The following MPHOSPH6 variants were observed in gnomAD, a reference collection of about 807,000 sequenced individuals.
MPHOSPH6 encodes M-phase phosphoprotein 6.
Under a neutral mutation model 21.8 loss-of-function variants are expected in MPHOSPH6, and 25 were observed. The observed-to-expected ratio is 1.15, with a 90% CI of 0.83 to 1.60. The LOEUF is 1.60. MPHOSPH6 is among the 40% of genes most tolerant of loss of function. The pLI is 0.00. For synonymous variants in MPHOSPH6, 84 were observed against 56.5 expected (o/e 1.49, Z -2.18); for missense variants, 269 against 181.8 (o/e 1.48, Z -2.76).
intron 3 of MPHOSPH6, among the ~76,000 whole-genome samples, chr16:82,150,335 T>G (rs927957395): frequency 4.6e-5 from 7 of 152,062 alleles, no homozygotes; most frequent in Non-Finnish European, 8.8e-5. Flanking sequence ...TCTTCCCTCT[T>G]CACCCCACTG....
chr16:82,161,164 C>T (rs950004108), intron 2 of MPHOSPH6, among the ~76,000 whole-genome samples: 8 of 152,222 alleles, frequency 5.3e-5, no homozygotes, highest in African/African-American at 1.9e-4. Flanking sequence ...CCTGTGTCAC[C>T]TAAAACTTTT....
chr16:82,168,444 T>A (rs1337380201), intron 1 of MPHOSPH6, among the ~76,000 whole-genome samples: 1 of 151,222 alleles, frequency 6.6e-6, no homozygotes, highest in African/African-American at 2.4e-5. Flanking sequence ...TCCATTCAAA[T>A]CTTGCCCATA....
At chr16:82,151,874 A>C (rs1906275529) in intron 2 of MPHOSPH6, among the ~76,000 whole-genome samples, 1 of 152,236 alleles carries the variant, frequency 6.6e-6, no homozygotes, top group South Asian at 2.1e-4. Context: ...ATTCTTTTTC[A>C]GAAAGGAAAT....
chr16:82,154,527 T>C (rs11643724), intron 2 of MPHOSPH6, among the ~76,000 whole-genome samples: 21,458 of 152,082 alleles, frequency 0.14, 2,237 homozygotes, highest in East Asian at 0.34. Context: ...GACTTTAGAA[T>C]AGTTACTGTA....
In MPHOSPH6 at chr16:82,155,022, T is replaced by A. The variant is rs551273919; in HGVS notation, c.165-3508A>T. Among the ~76,000 whole-genome samples the A allele has an allele frequency of 2.0e-5, 3 of 152,318 alleles. No individual in the cohort carries two copies. In the South Asian group the frequency reaches 6.2e-4, roughly 32 times the overall value. ...TTAAATGTTACATATGAAGACCAAG[T>A]AGAGTGTATGTCAGAAATACAAGGC... On this transcript the variant is annotated intron_variant, in intron 2 of 4. Transcript: ENST00000258169.
chr16:82,149,340 G>A lies in MPHOSPH6; in HGVS notation c.319C>T (p.Leu107Phe), dbSNP rs751325310. 3 of 1,613,206 alleles carry A rather than the reference G, an allele frequency of 1.9e-6. No individual in the cohort carries two copies. Among genetic ancestry groups the A allele is most frequent in the African/African-American group, 2.7e-5 (2 of 74,950 alleles). The change falls in exon 4 of 5, where the codon CTT becomes TTT. Residue 107 changes from leucine to phenylalanine, a missense_variant. Physicochemically the swap from Leu to Phe is conservative, Grantham distance 22. Coordinates refer to ENST00000258169, the MANE Select transcript of MPHOSPH6 (RefSeq NM_005792.2). ...AEEVEDETVE[L>F]DVSDEEMARR... Reference sequence around the variant, plus strand: ...GCCATCTCTTCATCTGACACATCAAGCTCTACTGTTTCATCTTCAACTTCT... The same window carrying A: ...GCCATCTCTTCATCTGACACATCAAACTCTACTGTTTCATCTTCAACTTCT...
chr16:82,170,106 G>A lies in MPHOSPH6; in HGVS notation c.51+19C>T. ...GGGTGCCCCTACCGCCCGGAGTGGCGCTCTCAGCGTCCCCGCACCTTCATG... is the reference window on the plus strand; with the variant it reads ...GGGTGCCCCTACCGCCCGGAGTGGCACTCTCAGCGTCCCCGCACCTTCATG... On this transcript the variant is annotated intron_variant, in intron 1 of 4. Transcript: ENST00000258169. 2 of 1,584,290 alleles carry A rather than the reference G, an allele frequency of 1.3e-6. No homozygotes were observed. Among genetic ancestry groups the A allele is most frequent in the Non-Finnish European group, 1.7e-6 (2 of 1,165,244 alleles).
At chr16:82,152,606 G>A (rs1277965047) in intron 2 of MPHOSPH6, among the ~76,000 whole-genome samples, 2 of 152,174 alleles carry the variant, frequency 1.3e-5, no homozygotes, top group Admixed American at 6.5e-5. Context: ...CGGTCGCTAG[G>A]TGGTTGCACC....
intron 2 of MPHOSPH6, among the ~76,000 whole-genome samples, chr16:82,163,317 G>A (rs1240063655): frequency 6.6e-6 from 1 of 152,140 alleles, no homozygotes; most frequent in Non-Finnish European, 1.5e-5. Context: ...AAAGTATCAG[G>A]GAAAAATGAA....
In MPHOSPH6 at chr16:82,170,210, A is replaced by C. The variant is rs1249986008; in HGVS notation, c.-35T>G. 1.3e-6 allele frequency: 2 copies of C among 1,566,808 alleles called. No homozygotes were observed. Among genetic ancestry groups the C allele is most frequent in the Admixed American group, 1.9e-5 (1 of 53,998 alleles). The stretch of plus-strand genomic sequence containing the variant: ...CGCCCAGCGCCGCACTCCGGCCGCG[A>C]GCCTCACCGCACATGCGCGGAGCCG... On this transcript the variant is annotated 5_prime_UTR_variant, in exon 1 of 5. Transcript: ENST00000258169.
At chr16:82,157,727 A>G (rs75774194) in intron 2 of MPHOSPH6, among the ~76,000 whole-genome samples, 17,894 of 152,158 alleles carry the variant, frequency 0.12, 1,290 homozygotes, top group East Asian at 0.29. Flanking sequence ...GCCTCTTGTC[A>G]GGGGTGACAT....
At chr16:82,153,874 G>A (rs530290801) in intron 2 of MPHOSPH6, among the ~76,000 whole-genome samples, 9 of 152,234 alleles carry the variant, frequency 5.9e-5, no homozygotes, top group African/African-American at 1.9e-4. Context: ...GTAGGCCTGG[G>A]ATCCCTCCAG....
At chr16:82,160,800 G>C (rs2967349) in intron 2 of MPHOSPH6, among the ~76,000 whole-genome samples, 128,374 of 152,142 alleles carry the variant, frequency 0.84, 54,584 homozygotes, top group African/African-American at 0.95. Flanking sequence ...GTGTTCAGGA[G>C]ACACTACTCC....
chr16:82,162,566 C>T (rs1338772333), intron 2 of MPHOSPH6, among the ~76,000 whole-genome samples: 1 of 152,190 alleles, frequency 6.6e-6, no homozygotes, highest in African/African-American at 2.4e-5. Context: ...AACTTATCTG[C>T]AGATTCGGTA....
At position 82,159,628 on chromosome 16, in the gene MPHOSPH6, G is replaced by C. The variant is rs963178376; in HGVS notation, c.164+4454C>G. ...TCACCATGTTAACCATGATGGTCTC[G>C]ATCTCCTGACGTCGTGATCCGCCTG... On this transcript the variant is annotated intron_variant, in intron 2 of 4. Transcript: ENST00000258169. Among the ~76,000 whole-genome samples the C allele has an allele frequency of 2.6e-5, 4 of 152,218 alleles. No homozygotes were observed. In the South Asian group the frequency reaches 8.3e-4, roughly 32 times the overall value.
intron 1 of MPHOSPH6, among the ~76,000 whole-genome samples, chr16:82,165,376 G>A (rs902861895): frequency 6.6e-6 from 1 of 151,672 alleles, no homozygotes; most frequent in African/African-American, 2.4e-5. Flanking sequence ...CACCCGCCTC[G>A]GCCTCCCAAA....
In MPHOSPH6 at chr16:82,148,728, A is replaced by T. The variant is rs374400427; in HGVS notation, c.*3T>A. ...CCCTGGGCCATCGCTTAAGGCATCC[A>T]TCTTAATCCTGGGGCTTTAAGAACA... On this transcript the variant is annotated 3_prime_UTR_variant, in exon 5 of 5. Coordinates refer to ENST00000258169, the MANE Select transcript of MPHOSPH6 (RefSeq NM_005792.2). 4.3e-6 allele frequency: 7 copies of T among 1,613,918 alleles called. No homozygotes were observed. The highest frequency in any genetic ancestry group is 1.3e-5 in the African/African-American group (1 of 74,924).
intron 3 of MPHOSPH6, 129 bp from the exon 4 acceptor site, chr16:82,149,532 C>G: frequency 1.8e-6 from 1 of 551,188 alleles, no homozygotes; most frequent in Non-Finnish European, 2.9e-6. Context: ...TGATAAGGGA[C>G]TCTCTGTAAT....
At chr16:82,149,569 A>G (rs1288696368) in intron 3 of MPHOSPH6, among the ~76,000 whole-genome samples, 166 bp from the exon 4 acceptor site, 1 of 152,246 alleles carries the variant, frequency 6.6e-6, no homozygotes, top group Non-Finnish European at 1.5e-5. Context: ...GTGTAAGAGA[A>G]GTAAGCTCTG....
Sources: allele counts gnomAD v4.1 joint callset (sites outside exome capture counted in the v4.1 genomes callset), GRCh38; gene constraint gnomAD v4.1.1; transcripts MANE v1.5; gene names NCBI Gene and HGNC (gene_info 2026-07-23, HGNC 2026-07-21).